Variants in PTPRT observed in about 807,000 individuals in gnomAD.
PTPRT encodes the protein receptor-type tyrosine-protein phosphatase T.
Under a neutral mutation model 176.8 loss-of-function variants are expected in PTPRT, and 56 were observed. The ratio of observed to expected loss-of-function variants is 0.32; its 90% CI spans 0.26 to 0.40. The LOEUF is 0.40. PTPRT is among the 10% of genes least tolerant of loss of function. PTPRT has a pLI of 1.00. For synonymous variants in PTPRT, 783 were observed against 739.0 expected (o/e 1.06, Z -0.96); for missense variants, 1,540 against 1,908.2 (o/e 0.81, Z 3.60).
chr20:42,104,035 G>T (rs751385709), intron 25 of PTPRT, among the ~76,000 whole-genome samples: 2 of 152,210 alleles, frequency 1.3e-5, no homozygotes, highest in East Asian at 1.9e-4. Context: ...TACTGTTACG[G>T]ACTAAATGTT....
At chr20:42,250,053 T>G (rs1054079602) in intron 13 of PTPRT, among the ~76,000 whole-genome samples, 4 of 152,242 alleles carry the variant, frequency 2.6e-5, no homozygotes, top group Non-Finnish European at 5.9e-5. Context: ...TCTGAGCCTG[T>G]GCCCCTGGGA....
rs1979536412 is a variant in PTPRT, at chr20:42,927,087, C to G, written c.89-41155G>C. ...TTGCTCTTGATGTGACTTTCGATGT[C>G]CACCAAGGAAAACCTGAGGGTGCAG... On this transcript the variant is annotated intron_variant, in intron 1 of 30. Coordinates refer to ENST00000373187, the MANE Select transcript of PTPRT (RefSeq NM_007050.6). 2.6e-5 allele frequency among the ~76,000 whole-genome samples: 4 copies of G among 152,296 alleles called. 1 individual carries two copies. The highest frequency in any genetic ancestry group is 2.6e-4 in the Admixed American group (4 of 15,296).
At chr20:43,034,367 C>T (rs1055718906) in intron 1 of PTPRT, among the ~76,000 whole-genome samples, 12 of 152,008 alleles carry the variant, frequency 7.9e-5, no homozygotes, top group African/African-American at 2.4e-4. Context: ...GCCCTATTCA[C>T]GATTGCTACT....
At chr20:42,183,210 C>T (rs905928301) in intron 16 of PTPRT, among the ~76,000 whole-genome samples, 2 of 152,108 alleles carry the variant, frequency 1.3e-5, no homozygotes, top group African/African-American at 2.4e-5. Context: ...TCAGGTTCAT[C>T]TTTTACCACT....
chr20:43,088,484 T>C (rs1600703995), intron 1 of PTPRT, among the ~76,000 whole-genome samples: 1 of 152,108 alleles, frequency 6.6e-6, no homozygotes, highest in Non-Finnish European at 1.5e-5. Context: ...GTGCCCTGTG[T>C]GGCTACACCA....
At chr20:42,446,626 G>C (rs1280319082) in intron 9 of PTPRT, among the ~76,000 whole-genome samples, 4 of 149,922 alleles carry the variant, frequency 2.7e-5, no homozygotes, top group Admixed American at 6.7e-5. Flanking sequence ...GTGTGTGAGA[G>C]AGAGAGAGAG....
intron 2 of PTPRT, among the ~76,000 whole-genome samples, chr20:42,793,395 G>A (rs746606589): frequency 5.3e-5 from 8 of 152,076 alleles, no homozygotes; most frequent in Non-Finnish European, 1.0e-4. Context: ...CCATGTGTAC[G>A]CATTATTTAG....
At chr20:42,099,383 T>C (rs1179162856) in intron 26 of PTPRT, among the ~76,000 whole-genome samples, 1 of 152,120 alleles carries the variant, frequency 6.6e-6, no homozygotes, top group Non-Finnish European at 1.5e-5. Context: ...AGCCGGAACG[T>C]AAGCCTACTG....
chr20:42,118,890 A>C (rs1050498428), intron 20 of PTPRT, among the ~76,000 whole-genome samples: 5 of 151,966 alleles, frequency 3.3e-5, no homozygotes, highest in Middle Eastern at 3.2e-3. Flanking sequence ...ACAGGAAGGC[A>C]ACTGGGGTGG....
intron 7 of PTPRT, among the ~76,000 whole-genome samples, chr20:42,620,802 C>A (rs192485761): frequency 2.6e-5 from 4 of 152,156 alleles, no homozygotes; most frequent in African/African-American, 9.7e-5. Context: ...CTTCGGCTTG[C>A]GCACGGTGCG....
intron 20 of PTPRT, 144 bp downstream of exon 20, chr20:42,119,791 C>T (rs867480504): frequency 1.5e-6 from 1 of 653,028 alleles, no homozygotes; most frequent in South Asian, 3.1e-5. Context: ...GAAACTCATT[C>T]CTCTCCTCCA....
At chr20:42,351,295 A>G (rs958469491) in intron 10 of PTPRT, among the ~76,000 whole-genome samples, 1 of 152,170 alleles carries the variant, frequency 6.6e-6, no homozygotes, top group Non-Finnish European at 1.5e-5. Context: ...ATCCAAACCA[A>G]TGAATTAAAC....
intron 1 of PTPRT, among the ~76,000 whole-genome samples, chr20:42,936,018 G>A (rs1433967089): frequency 6.6e-6 from 1 of 152,182 alleles, no homozygotes; most frequent in African/African-American, 2.4e-5. Context: ...AAAGTACTGA[G>A]AGTACAGGTG....
intron 1 of PTPRT, among the ~76,000 whole-genome samples, chr20:43,048,775 T>C (rs1388964903): frequency 6.6e-6 from 1 of 152,116 alleles, no homozygotes; most frequent in Non-Finnish European, 1.5e-5. Flanking sequence ...GAGAGGCAAA[T>C]AGGATTAACA....
chr20:43,071,781 A>G lies in PTPRT; in HGVS notation c.88+117865T>C, dbSNP rs188941573. Among the ~76,000 whole-genome samples the G allele has an allele frequency of 4.5e-4, 68 of 152,316 alleles. 1 individual carries two copies. The highest frequency in any genetic ancestry group is 3.4e-3 in the Middle Eastern group (1 of 294). On this transcript the variant is annotated intron_variant, in intron 1 of 30. Transcript: ENST00000373187. ...GCCTGGGCAACAAGAGCAAAACTCC[A>G]TCTCAAATAAAACAAACAAAAGACA...
At chr20:42,441,915 A>G (rs1227208596) in intron 9 of PTPRT, among the ~76,000 whole-genome samples, 2 of 152,168 alleles carry the variant, frequency 1.3e-5, no homozygotes, top group African/African-American at 4.8e-5. Context: ...GAATTATGCA[A>G]ATTTTTGCTT....
chr20:42,883,968 CACACACACGCAT>C (rs1420014170), intron 2 of PTPRT, among the ~76,000 whole-genome samples: 1 of 151,756 alleles, frequency 6.6e-6, no homozygotes, highest in Non-Finnish European at 1.5e-5. Flanking sequence ...CCCATACACA[CACACACACGCAT>C]ACACACACGT....
the PTPRT span, among the ~76,000 whole-genome samples, chr20:42,065,702 T>C: frequency 6.6e-6 from 1 of 152,244 alleles, no homozygotes; most frequent in Non-Finnish European, 1.5e-5. Context: ...GTTCTGCTTA[T>C]GCTTATTGGT....
chr20:42,763,019 A>G (rs1390111143), intron 5 of PTPRT, among the ~76,000 whole-genome samples: 7 of 152,178 alleles, frequency 4.6e-5, no homozygotes, highest in African/African-American at 1.7e-4. Context: ...CTACACTTTA[A>G]TGTTCTGTCC....
Sources: gnomAD v4.1 joint callset for allele counts (sites outside exome capture counted in the v4.1 genomes callset) on GRCh38, gnomAD v4.1.1 for gene constraint, MANE v1.5 for transcripts, NCBI Gene and HGNC (gene_info 2026-07-23, HGNC 2026-07-21) for gene names.